The following GABPB1 variants were observed in gnomAD, a reference collection of about 807,000 sequenced individuals.
The protein encoded by GABPB1 is GA binding protein transcription factor subunit beta 1.
In GABPB1, 15 loss-of-function variants were observed where a neutral mutation model predicts 45.9. The ratio of observed to expected loss-of-function variants is 0.33; its 90% CI spans 0.22 to 0.50. The LOEUF is 0.50. GABPB1 is among the 20% of genes least tolerant of loss of function. GABPB1 has a pLI of 0.98. For synonymous variants in GABPB1, 143 were observed against 154.4 expected (o/e 0.93, Z 0.55); for missense variants, 252 against 457.5 (o/e 0.55, Z 4.10).
chr15:50,316,591 T>G (rs2047337300), intron 1 of GABPB1, among the ~76,000 whole-genome samples: 1 of 134,252 alleles, frequency 7.4e-6, no homozygotes, highest in Non-Finnish European at 1.7e-5. Context: ...AATTTTGTAT[T>G]ACACACACAT....
intron 6 of GABPB1, 87 bp downstream of exon 6, chr15:50,300,702 C>G: frequency 1.2e-6 from 1 of 807,466 alleles, no homozygotes; most frequent in East Asian, 2.5e-5. Context: ...GCCTCGCCCT[C>G]CCAAAGTGCT....
At chr15:50,282,189 GA>G (rs2045997646) in intron 8 of GABPB1, 1 of 422,762 alleles carries the variant, frequency 2.4e-6, no homozygotes, top group African/African-American at 2.1e-5. Flanking sequence ...AACACAGTGA[GA>G]CCCTGTCTCA....
At chr15:50,300,928 G>T in intron 5 of GABPB1, 26 bp from the exon 6 acceptor site, 1 of 1,335,500 alleles carries the variant, frequency 7.5e-7, no homozygotes, top group South Asian at 1.2e-5. Flanking sequence ...AAATAGATTT[G>T]AATTTCTAAG....
intron 1 of GABPB1, among the ~76,000 whole-genome samples, chr15:50,340,581 A>G (rs939438056): frequency 6.7e-6 from 1 of 149,800 alleles, no homozygotes; most frequent in South Asian, 2.1e-4. Flanking sequence ...ACATTACCAC[A>G]TAACACTGCT....
chr15:50,329,578 C>T (rs2047882558), intron 1 of GABPB1, among the ~76,000 whole-genome samples: 1 of 152,116 alleles, frequency 6.6e-6, no homozygotes, highest in Non-Finnish European at 1.5e-5. Context: ...GCTCCAAAGT[C>T]ACCTGAAATA....
intron 6 of GABPB1, among the ~76,000 whole-genome samples, chr15:50,293,685 T>C (rs906530220): frequency 2.0e-5 from 3 of 152,212 alleles, no homozygotes; most frequent in Non-Finnish European, 4.4e-5. Flanking sequence ...TAATCATATG[T>C]AAGAAATTTC....
chr15:50,286,290 C>T (rs1272138065), intron 7 of GABPB1, 107 bp from the exon 8 acceptor site: 4 of 710,390 alleles, frequency 5.6e-6, no homozygotes, highest in Non-Finnish European at 6.2e-6. Flanking sequence ...AACTACATTC[C>T]AAAACAATAA....
At chr15:50,340,680 T>C (rs1278280605) in intron 1 of GABPB1, among the ~76,000 whole-genome samples, 2 of 152,142 alleles carry the variant, frequency 1.3e-5, no homozygotes, top group African/African-American at 4.8e-5. Context: ...AGCTGCATAG[T>C]ATGCTATTAT....
chr15:50,350,674 C>T, intron 1 of GABPB1: 1 of 152,110 alleles, frequency 6.6e-6, no homozygotes, highest in African/African-American at 2.4e-5. Context: ...AGACACCTAG[C>T]TCAAATTCTC....
At chr15:50,295,864 CCTG>C (rs76053022) in intron 6 of GABPB1, among the ~76,000 whole-genome samples, 39,065 of 151,884 alleles carry the variant, frequency 0.26, 6,409 homozygotes, top group Middle Eastern at 0.38. Flanking sequence ...GCACTGACAA[CCTG>C]CTGTTATATT....
intron 1 of GABPB1, among the ~76,000 whole-genome samples, chr15:50,321,202 G>C (rs934632226): frequency 6.6e-6 from 1 of 152,154 alleles, no homozygotes; most frequent in African/African-American, 2.4e-5. Flanking sequence ...AGGATTGCTA[G>C]ACTTGTTTAA....
At chr15:50,297,061 C>A (rs995871136) in intron 6 of GABPB1, among the ~76,000 whole-genome samples, 7 of 151,700 alleles carry the variant, frequency 4.6e-5, no homozygotes, top group Admixed American at 1.3e-4. Context: ...CAGGCATACG[C>A]CACCACATCC....
In GABPB1 at chr15:50,276,760, CCACAT is replaced by C. The variant is rs956167435; in HGVS notation, c.*1867_*1871del. 1.1e-4 allele frequency: 12 copies of C among 106,980 alleles called. No homozygotes were observed. The highest frequency in any genetic ancestry group is 2.7e-4 in the Non-Finnish European group (11 of 40,718). 6.6% of individuals were successfully genotyped at this position (106,980 alleles called of 1,614,324 possible). On this transcript the variant is annotated 3_prime_UTR_variant, in exon 9 of 9. Coordinates refer to ENST00000380877, the MANE Select transcript of GABPB1 (RefSeq NM_016654.5). The stretch of plus-strand genomic sequence containing the variant: ...ACACTGGCCCTTCTCTGCTCCAGCA[CCACAT>C]GTCAGGGTACCTGGCTGTGGTACCA...
chr15:50,340,176 C>T (rs1028705102), intron 1 of GABPB1, among the ~76,000 whole-genome samples: 8 of 152,170 alleles, frequency 5.3e-5, no homozygotes, highest in African/African-American at 1.9e-4. Context: ...ATCTATAAAG[C>T]AGGAAATGGG....
In GABPB1 at chr15:50,286,201, TTATG is replaced by T; in HGVS notation, c.884-22_884-19del. 1.4e-6 allele frequency: 2 copies of T among 1,461,798 alleles called. No homozygotes were observed. The highest frequency in any genetic ancestry group is 2.7e-5 in the South Asian group (2 of 74,942). 90.6% of individuals were successfully genotyped at this position (1,461,798 alleles called of 1,614,324 possible). A position where few individuals can be genotyped will look rare whatever the true frequency, so the allele number is the denominator to read the frequency against. On this transcript the variant is annotated intron_variant, in intron 7 of 8. Coordinates refer to ENST00000380877, the MANE Select transcript of GABPB1 (RefSeq NM_016654.5). ...TGTTAATACTAAAATGAAAAAAAAA[TTATG>T]TATTACTTCATTTTCAGAGAGATTT...
chr15:50,301,146 A>G (rs1327578971), intron 5 of GABPB1, 111 bp downstream of exon 5: 3 of 1,428,606 alleles, frequency 2.1e-6, no homozygotes, highest in Non-Finnish European at 2.9e-6. Flanking sequence ...TCATTCTCCA[A>G]CCGTCCTTTC....
chr15:50,335,454 T>C (rs192471127), intron 1 of GABPB1, among the ~76,000 whole-genome samples: 1 of 152,340 alleles, frequency 6.6e-6, no homozygotes, highest in African/African-American at 2.4e-5. Context: ...AAAGCAAAAG[T>C]GGCTTCAGTT....
chr15:50,303,319 C>T (rs191779226), intron 3 of GABPB1, among the ~76,000 whole-genome samples, 196 bp from the exon 4 acceptor site: 3 of 152,078 alleles, frequency 2.0e-5, no homozygotes, highest in Non-Finnish European at 2.9e-5. Context: ...GAGGCCGAGG[C>T]GGTTGGATCA....
At chr15:50,329,412 A>G (rs768697988) in intron 1 of GABPB1, among the ~76,000 whole-genome samples, 41 of 152,192 alleles carry the variant, frequency 2.7e-4, no homozygotes, top group Non-Finnish European at 5.4e-4. Context: ...ATTGATTCGT[A>G]ATCATTCACA....
Sources: gnomAD v4.1 joint callset for allele counts (sites outside exome capture counted in the v4.1 genomes callset) on GRCh38, gnomAD v4.1.1 for gene constraint, MANE v1.5 for transcripts, NCBI Gene and HGNC (gene_info 2026-07-23, HGNC 2026-07-21) for gene names.